The following HSPBAP1 variants were observed in gnomAD, a reference collection of about 807,000 sequenced individuals.
The protein encoded by HSPBAP1 is HSPB1-associated protein 1.
In HSPBAP1, 27 loss-of-function variants were observed where a neutral mutation model predicts 45.2. The ratio of observed to expected loss-of-function variants is 0.60; its 90% CI spans 0.44 to 0.82. The LOEUF is 0.82. Among genes scored for constraint, HSPBAP1 ranks in the 40% least tolerant of loss-of-function variants. The pLI is 0.00. For synonymous variants in HSPBAP1, 204 were observed against 202.7 expected (o/e 1.01, Z -0.06); for missense variants, 510 against 590.9 (o/e 0.86, Z 1.42).
At chr3:122,785,478 C>G (rs1935623610) in intron 1 of HSPBAP1, among the ~76,000 whole-genome samples, 1 of 152,196 alleles carries the variant, frequency 6.6e-6, no homozygotes, top group Admixed American at 6.5e-5. Context: ...CTGCCTTCAG[C>G]AAGAATCCTG....
chr3:122,743,457 T>G (rs780912131), intron 6 of HSPBAP1, among the ~76,000 whole-genome samples: 3 of 151,974 alleles, frequency 2.0e-5, no homozygotes, highest in Non-Finnish European at 2.9e-5. Context: ...TCCCAGCTAC[T>G]CAGGAGGCTG....
intron 5 of HSPBAP1, chr3:122,754,869 A>T: frequency 1.0e-6 from 1 of 991,492 alleles, no homozygotes. Flanking sequence ...ACCTGTGTTT[A>T]TGTGTCTGGG....
chr3:122,755,436 T>TC lies in HSPBAP1; in HGVS notation c.570-6_570-5insG. Reference sequence around the variant, plus strand: ...GGAAAGAGATGCCATCGTTTCCTAATTAAAAAAAAAAAAAAAAGATACAAG... The same window carrying TC: ...GGAAAGAGATGCCATCGTTTCCTAATCTAAAAAAAAAAAAAAAAGATACAAG... On this transcript the variant is annotated splice_polypyrimidine_tract_variant and splice_region_variant and intron_variant, in intron 4 of 7. Coordinates refer to ENST00000306103, the MANE Select transcript of HSPBAP1 (RefSeq NM_024610.6). The TC allele has an allele frequency of 7.8e-7, 1 of 1,281,752 alleles. No individual in the cohort carries two copies. The allele number at this position is 1,281,752 out of a possible 1,614,324, so 79.4% of individuals were successfully genotyped here.
In HSPBAP1 at chr3:122,759,340, G is replaced by C. The variant is rs74824564; in HGVS notation, c.453C>G (p.Phe151Leu). ...CCTGTCCATTTCTTCCAGGAAACCC[G>C]AAGTCAGACCATTTCACATCCTGTT... ...DLFQDVKWSD[F>L]GFPGRNGQES... The change falls in exon 4 of 8, where the codon TTC becomes TTG. Residue 151 changes from phenylalanine to leucine, a missense_variant. Coordinates refer to ENST00000306103, the MANE Select transcript of HSPBAP1 (RefSeq NM_024610.6). The C allele has an allele frequency of 1.9e-6, 3 of 1,613,688 alleles. No individual in the cohort carries two copies. The highest frequency in any genetic ancestry group is 2.5e-6 in the Non-Finnish European group (3 of 1,179,812).
intron 2 of HSPBAP1, among the ~76,000 whole-genome samples, chr3:122,774,948 T>C (rs1232971712): frequency 6.6e-6 from 1 of 152,188 alleles, no homozygotes; most frequent in African/African-American, 2.4e-5. Flanking sequence ...AATCAGAAAC[T>C]GACAAAATCT....
chr3:122,789,055 T>G (rs563256479), intron 1 of HSPBAP1, among the ~76,000 whole-genome samples: 1 of 152,344 alleles, frequency 6.6e-6, no homozygotes, highest in East Asian at 1.9e-4. Context: ...GATTCTAACA[T>G]GGGAATTTTT....
At chr3:122,763,315 A>C (rs1256750862) in intron 3 of HSPBAP1, among the ~76,000 whole-genome samples, 4 of 152,172 alleles carry the variant, frequency 2.6e-5, no homozygotes, top group Non-Finnish European at 5.9e-5. Flanking sequence ...GGACACTGGG[A>C]ACCTTCTGGA....
intron 2 of HSPBAP1, among the ~76,000 whole-genome samples, chr3:122,770,383 A>ATT (rs1934947961): frequency 6.6e-6 from 1 of 152,194 alleles, no homozygotes; most frequent in African/African-American, 2.4e-5. Context: ...ATAGTAAACA[A>ATT]TCAATATACA....
intron 1 of HSPBAP1, among the ~76,000 whole-genome samples, chr3:122,779,587 G>T (rs932059001): frequency 2.6e-5 from 4 of 151,450 alleles, no homozygotes; most frequent in African/African-American, 9.7e-5. Context: ...GGACAATAGT[G>T]GAGGGAAGGT....
intron 6 of HSPBAP1, among the ~76,000 whole-genome samples, chr3:122,748,148 C>A (rs950682716): frequency 6.6e-6 from 1 of 152,162 alleles, no homozygotes; most frequent in Non-Finnish European, 1.5e-5. Context: ...AAGGGTGGTG[C>A]AAGATGTGCT....
chr3:122,762,613 GATTTACT>G (rs1380845853), intron 3 of HSPBAP1, among the ~76,000 whole-genome samples: 2 of 152,012 alleles, frequency 1.3e-5, no homozygotes, highest in Non-Finnish European at 2.9e-5. Context: ...TTTTCCTTGT[GATTTACT>G]ATTTGACTTA....
intron 2 of HSPBAP1, among the ~76,000 whole-genome samples, chr3:122,773,308 T>TC (rs1227608923): frequency 1.6e-5 from 2 of 127,592 alleles, no homozygotes; most frequent in East Asian, 4.1e-4. Flanking sequence ...AATGTGTTTT[T>TC]TTTTTTTTTT....
chr3:122,779,715 G>C (rs541264071), intron 1 of HSPBAP1, among the ~76,000 whole-genome samples: 7 of 149,642 alleles, frequency 4.7e-5, no homozygotes, highest in African/African-American at 9.8e-5. Flanking sequence ...GACTCTTAAC[G>C]AGCATGCTGC....
At chr3:122,788,142 G>C (rs897778507) in intron 1 of HSPBAP1, among the ~76,000 whole-genome samples, 9 of 152,100 alleles carry the variant, frequency 5.9e-5, no homozygotes, top group Non-Finnish European at 1.2e-4. Flanking sequence ...ACTTACCAAA[G>C]GTTCATGAGC....
At chr3:122,747,285 G>A in intron 6 of HSPBAP1, among the ~76,000 whole-genome samples, 1 of 148,410 alleles carries the variant, frequency 6.7e-6, no homozygotes, top group Non-Finnish European at 1.5e-5. Flanking sequence ...CTGAGATGTG[G>A]GGAGCGCCTC....
chr3:122,767,512 T>A (rs1161053747), intron 3 of HSPBAP1, among the ~76,000 whole-genome samples: 1 of 151,996 alleles, frequency 6.6e-6, no homozygotes, highest in Non-Finnish European at 1.5e-5. Context: ...GAGTCGTAAT[T>A]GCGCCACTGC....
chr3:122,753,959 A>G, intron 5 of HSPBAP1: 1 of 919,620 alleles, frequency 1.1e-6, no homozygotes, highest in Non-Finnish European at 1.3e-6. Flanking sequence ...AATGGCTGTA[A>G]AAATAATGAT....
chr3:122,779,509 TTTA>T (rs1935329806), intron 1 of HSPBAP1, among the ~76,000 whole-genome samples: 1 of 150,512 alleles, frequency 6.6e-6, no homozygotes, highest in African/African-American at 2.4e-5. Context: ...TATTTATTTA[TTTA>T]TTTATTTATT....
intron 3 of HSPBAP1, among the ~76,000 whole-genome samples, chr3:122,767,849 C>A (rs970056114): frequency 7.9e-5 from 12 of 151,970 alleles, no homozygotes; most frequent in South Asian, 4.1e-4. Context: ...TGGGTGGTGG[C>A]AGAGAGGAGA....
Sources: allele counts gnomAD v4.1 joint callset (sites outside exome capture counted in the v4.1 genomes callset), GRCh38; gene constraint gnomAD v4.1.1; transcripts MANE v1.5; gene names NCBI Gene and HGNC (gene_info 2026-07-23, HGNC 2026-07-21).